Variants in RGS8 observed in about 807,000 individuals in gnomAD.
RGS8 encodes regulator of G-protein signaling 8.
In RGS8, 8 loss-of-function variants were observed where a neutral mutation model predicts 21.7. The ratio of observed to expected loss-of-function variants is 0.37; its 90% confidence interval spans 0.22 to 0.66. The LOEUF (loss-of-function observed/expected upper bound fraction) is 0.66, where lower values mean the gene tolerates loss of function less well. RGS8 is among the 30% of genes least tolerant of loss of function. The pLI is 0.59. For missense variants in RGS8, 157 were observed against 217.9 expected, an observed-to-expected ratio of 0.72 and a Z score of 1.76; for synonymous variants, 80 against 83.6, an observed-to-expected ratio of 0.96 and a Z score of 0.24.
intron 2 of RGS8, 53 bp downstream of exon 3, chr1:182,671,604 C>T (rs1040961574): frequency 6.8e-6 from 10 of 1,475,602 alleles, no homozygotes; most frequent in South Asian, 3.4e-5. Context: ...ATAATGCAAT[C>T]GGTGCACACA....
At chr1:182,694,258 T>C in the RGS8 span, among the ~76,000 whole-genome samples, 1 of 152,184 alleles carries the variant, frequency 6.6e-6, no homozygotes, top group Non-Finnish European at 1.5e-5. Flanking sequence ...TCATGACATC[T>C]CCCACTTATC....
At chr1:182,744,931 C>A in the RGS8 span, among the ~76,000 whole-genome samples, 2 of 152,208 alleles carry the variant, frequency 1.3e-5, no homozygotes, top group African/African-American at 4.8e-5. Flanking sequence ...CACCCCCGAC[C>A]CTTGCCTTAG....
At chr1:182,683,429 A>G (rs6424866) in intron 1 of RGS8, among the ~76,000 whole-genome samples, 28,100 of 152,008 alleles carry the variant, frequency 0.18, 4,005 homozygotes, top group African/African-American at 0.4. Flanking sequence ...CAAATCTGTA[A>G]GAACAAACAA....
the RGS8 span, among the ~76,000 whole-genome samples, chr1:182,727,824 G>A: frequency 6.6e-6 from 1 of 152,016 alleles, no homozygotes; most frequent in African/African-American, 2.4e-5. Context: ...AAAGTTCATA[G>A]TAATTTTATA....
the RGS8 span, among the ~76,000 whole-genome samples, chr1:182,724,075 C>T: frequency 1.3e-5 from 2 of 150,946 alleles, no homozygotes; most frequent in African/African-American, 4.9e-5. Flanking sequence ...AGGAGATTAA[C>T]GTTTGAGTCA....
chr1:182,724,207 T>G, the RGS8 span, among the ~76,000 whole-genome samples: 24 of 74,552 alleles, frequency 3.2e-4, no homozygotes, highest in African/African-American at 1.1e-3. Flanking sequence ...ACTGGATATA[T>G]ATATATATAT....
chr1:182,642,868 T>G (rs1662527752), downstream of RGS8: 1 of 147,742 alleles, frequency 6.8e-6, no homozygotes. Flanking sequence ...CACTCTCCAC[T>G]GAGAAATTTG....
At chr1:182,691,485 G>C in the RGS8 span, among the ~76,000 whole-genome samples, 1 of 151,922 alleles carries the variant, frequency 6.6e-6, no homozygotes, top group Non-Finnish European at 1.5e-5. Flanking sequence ...TGCAAGTTTG[G>C]TGTAACATAT....
At chr1:182,654,337 G>C (rs1663162710) in intron 5 of RGS8, among the ~76,000 whole-genome samples, 1 of 152,088 alleles carries the variant, frequency 6.6e-6, no homozygotes, top group Admixed American at 6.5e-5. Context: ...AAAAGTGAAA[G>C]AACTTCTTTT....
upstream of RGS8, among the ~76,000 whole-genome samples, chr1:182,675,384 C>A (rs1664323789): frequency 1.3e-5 from 2 of 152,204 alleles, no homozygotes; most frequent in East Asian, 1.9e-4. Flanking sequence ...TGCACAACCT[C>A]CTGCCCTCTC....
chr1:182,725,617 A>G, the RGS8 span, among the ~76,000 whole-genome samples: 1 of 152,208 alleles, frequency 6.6e-6, no homozygotes, highest in African/African-American at 2.4e-5. Flanking sequence ...GTAGTCCCTG[A>G]ATCCTAGGAG....
the RGS8 span, among the ~76,000 whole-genome samples, chr1:182,724,339 G>A: frequency 6.7e-6 from 1 of 149,998 alleles, no homozygotes; most frequent in Admixed American, 6.7e-5. Flanking sequence ...AGAAGACACA[G>A]TGAGGTATAG....
At chr1:182,671,702 T>A (rs759343344) in exon 2 of RGS8, 20 of 1,614,152 alleles carry the variant, frequency 1.2e-5, no homozygotes, top group Non-Finnish European at 1.5e-5. Context: ...GCCAACTGGA[T>A]GGTCAGAGAG....
At chr1:182,733,163 G>A in the RGS8 span, among the ~76,000 whole-genome samples, 1 of 152,204 alleles carries the variant, frequency 6.6e-6, no homozygotes, top group Non-Finnish European at 1.5e-5. Context: ...CAAATGCTGT[G>A]TTCATAGGCA....
upstream of RGS8, among the ~76,000 whole-genome samples, chr1:182,685,835 A>C (rs1366951149): frequency 6.6e-6 from 1 of 152,126 alleles, no homozygotes; most frequent in African/African-American, 2.4e-5. Context: ...TTGGGAACCT[A>C]GTATGTGCTG....
At chr1:182,680,812 C>A (rs976662085) in intron 1 of RGS8, among the ~76,000 whole-genome samples, 1 of 152,204 alleles carries the variant, frequency 6.6e-6, no homozygotes, top group African/African-American at 2.4e-5. Flanking sequence ...GTATGTTGAG[C>A]TGACACGAGC....
chr1:182,707,494 C>A, the RGS8 span, among the ~76,000 whole-genome samples: 1 of 152,152 alleles, frequency 6.6e-6, no homozygotes, highest in Non-Finnish European at 1.5e-5. Context: ...TCAAACCATT[C>A]TGCTCCTTTT....
the RGS8 span, among the ~76,000 whole-genome samples, chr1:182,691,253 C>T: frequency 2.0e-5 from 3 of 152,214 alleles, no homozygotes; most frequent in African/African-American, 7.2e-5. Flanking sequence ...CAAAAGCTCA[C>T]TGATACATCA....
chr1:182,742,415 C>G, the RGS8 span, among the ~76,000 whole-genome samples: 1 of 151,644 alleles, frequency 6.6e-6, no homozygotes, highest in Non-Finnish European at 1.5e-5. Context: ...TGTAGCGAGC[C>G]GAGATCACGC....
Sources: allele counts gnomAD v4.1 joint callset (sites outside exome capture counted in the v4.1 genomes callset), GRCh38; gene constraint gnomAD v4.1.1; transcripts MANE v1.5; gene names NCBI Gene and HGNC (gene_info 2026-07-23, HGNC 2026-07-21).